Variants in DNAI7 observed in about 807,000 individuals in gnomAD.
DNAI7 encodes cancer susceptibility 1.
DNAI7 carries 78 observed loss-of-function variants against 86.6 expected under a neutral mutation model. The ratio of observed to expected loss-of-function variants is 0.90; its 90% confidence interval spans 0.75 to 1.09. DNAI7 has a LOEUF of 1.09. Among genes scored for constraint, DNAI7 ranks in the 50% least tolerant of loss-of-function variants. The pLI is 0.00. For synonymous variants in DNAI7, 274 were observed against 273.0 expected, an observed-to-expected ratio of 1.00 and a Z score of -0.04; for missense variants, 753 against 810.2, an observed-to-expected ratio of 0.93 and a Z score of 0.86.
At chr12:25,129,165 G>C (rs990664793) in intron 9 of DNAI7, among the ~76,000 whole-genome samples, 3 of 152,020 alleles carry the variant, frequency 2.0e-5, no homozygotes, top group Non-Finnish European at 4.4e-5. Flanking sequence ...TCTGGGTCTC[G>C]GCTAAATAAT....
intron 2 of DNAI7, among the ~76,000 whole-genome samples, chr12:25,186,676 A>G (rs1950066824): frequency 6.6e-6 from 1 of 152,200 alleles, no homozygotes; most frequent in Non-Finnish European, 1.5e-5. Context: ...TTCACATCCC[A>G]GTCCCAAGGG....
chr12:25,136,270 G>A (rs1943542853), intron 9 of DNAI7, among the ~76,000 whole-genome samples: 5 of 152,334 alleles, frequency 3.3e-5, no homozygotes, highest in Admixed American at 2.6e-4. Context: ...CCAACCTGGA[G>A]CGCAGTAGCT....
intron 2 of DNAI7, among the ~76,000 whole-genome samples, chr12:25,186,826 T>C (rs1324644563): frequency 6.6e-6 from 1 of 152,014 alleles, no homozygotes; most frequent in Non-Finnish European, 1.5e-5. Flanking sequence ...AAAAGGTAAA[T>C]ATGGAAGTCA....
At position 25,119,403 on chromosome 12, in the gene DNAI7, C is replaced by A. The variant is rs550591415; in HGVS notation, c.1240-102G>T. 5.2e-5 allele frequency: 33 copies of A among 633,974 alleles called. No homozygotes were observed. The East Asian group carries it at 7.9e-4, about 15-fold the overall frequency. The allele number at this position is 633,974 out of a possible 1,614,324, so 39.3% of individuals were successfully genotyped here. On this transcript the variant is annotated intron_variant, in intron 11 of 15. Transcript: ENST00000395987. ...ATATAGTTATTTTTAATAAGCACTGCAGTTTGATCCTATTTATATATAGAT... is the reference window on the plus strand; with the variant it reads ...ATATAGTTATTTTTAATAAGCACTGAAGTTTGATCCTATTTATATATAGAT...
intron 12 of DNAI7, among the ~76,000 whole-genome samples, chr12:25,116,084 C>CTTTTTTTTTTTT (rs35310438): frequency 7.2e-6 from 1 of 138,108 alleles, no homozygotes; most frequent in Non-Finnish European, 1.5e-5. Flanking sequence ...GTATTTCTTT[C>CTTTTTTTTTTTT]TTTTTTTTTT....
chr12:25,157,370 T>C (rs1315167639), intron 4 of DNAI7, among the ~76,000 whole-genome samples: 1 of 151,990 alleles, frequency 6.6e-6, no homozygotes, highest in Admixed American at 6.6e-5. Context: ...TTTTTTTCAA[T>C]TGCATATCTG....
intron 2 of DNAI7, among the ~76,000 whole-genome samples, chr12:25,169,519 T>C (rs965690809): frequency 6.6e-6 from 1 of 152,126 alleles, no homozygotes; most frequent in African/African-American, 2.4e-5. Flanking sequence ...AGAGTGAAAC[T>C]AACATTGAAT....
At chr12:25,124,060 G>GTGTGTGTGTGTGTGTGTGTGTGTGTGTT (rs1565654899) in intron 9 of DNAI7, among the ~76,000 whole-genome samples, 14 of 151,850 alleles carry the variant, frequency 9.2e-5, no homozygotes, top group Admixed American at 9.2e-4. Flanking sequence ...GTGTGTGTGT[G>GTGTGTGTGTGTGTGTGTGTGTGTGTGTT]TGCTAATACT....
chr12:25,194,775 G>T, intron 1 of DNAI7: 1 of 1,094,210 alleles, frequency 9.1e-7, no homozygotes, highest in Non-Finnish European at 1.3e-6. Context: ...TATCACTACT[G>T]AAAGTTACTA....
intron 12 of DNAI7, among the ~76,000 whole-genome samples, chr12:25,118,353 T>C (rs1179828354): frequency 6.6e-6 from 1 of 151,958 alleles, no homozygotes; most frequent in African/African-American, 2.4e-5. Flanking sequence ...AACCTCTGCC[T>C]CCTGGGATCA....
At chr12:25,107,115 C>T (rs910419983), downstream of DNAI7, 20 of 824,552 alleles carry the variant, frequency 2.4e-5, no homozygotes, top group African/African-American at 3.0e-4. Flanking sequence ...GCAGGGCTGA[C>T]AGTATTAATC....
intron 9 of DNAI7, among the ~76,000 whole-genome samples, chr12:25,141,756 G>C (rs1944217321): frequency 6.6e-6 from 1 of 152,136 alleles, no homozygotes; most frequent in South Asian, 2.1e-4. Context: ...CTTGAACCTG[G>C]GAGGTGGAGG....
At chr12:25,143,055 A>T (rs1264454993) in intron 9 of DNAI7, among the ~76,000 whole-genome samples, 1 of 152,192 alleles carries the variant, frequency 6.6e-6, no homozygotes, top group Non-Finnish European at 1.5e-5. Flanking sequence ...TTAAACAAAA[A>T]TGACAAATTT....
At chr12:25,144,910 G>C (rs1317693328) in intron 8 of DNAI7, among the ~76,000 whole-genome samples, 2 of 152,122 alleles carry the variant, frequency 1.3e-5, no homozygotes, top group African/African-American at 4.8e-5. Context: ...AGTTCCTTCT[G>C]TCTCCTCTAT....
At chr12:25,184,520 A>G (rs190987158) in intron 2 of DNAI7, among the ~76,000 whole-genome samples, 54 of 152,224 alleles carry the variant, frequency 3.5e-4, no homozygotes, top group Middle Eastern at 6.8e-3. Context: ...TGATTAATCA[A>G]CTGATGAACA....
At chr12:25,135,552 G>A (rs1943445159) in intron 9 of DNAI7, among the ~76,000 whole-genome samples, 2 of 152,288 alleles carry the variant, frequency 1.3e-5, no homozygotes, top group Admixed American at 1.3e-4. Context: ...GCAGCGGGGA[G>A]GGCAGGGCAG....
Position 25,114,664 on chromosome 12 carries a change from G to C in DNAI7, c.1603C>G (p.Gln535Glu). ...VTTVFTEIQI[Q>E]IKENLCMLSS... ...CTACAAGAGTAACTCACCTTAATTT[G>C]TATTTGAATCTCAGTAAATACTGTA... The change falls in exon 13 of 16, where the codon CAA (glutamine) becomes GAA (glutamate). Residue 535 changes from glutamine (Q) to glutamate (E), a missense_variant. Gln to Glu is a conservative substitution (Grantham distance 29, BLOSUM62 2). Coordinates refer to ENST00000395987, the MANE Select transcript of DNAI7 (RefSeq NM_018272.5). 6.2e-7 allele frequency: 1 copy of C among 1,602,370 alleles called. No individual in the cohort carries two copies. Among genetic ancestry groups the C allele is most frequent in the Non-Finnish European group, 8.6e-7 (1 of 1,169,528 alleles).
chr12:25,124,060 G>GTA (rs1565654881), intron 9 of DNAI7, among the ~76,000 whole-genome samples: 1 of 151,850 alleles, frequency 6.6e-6, no homozygotes, highest in East Asian at 1.9e-4. Flanking sequence ...GTGTGTGTGT[G>GTA]TGCTAATACT....
intron 2 of DNAI7, among the ~76,000 whole-genome samples, chr12:25,175,158 TCCAGAATTCCCACAA>T (rs1948820124): frequency 6.6e-6 from 1 of 152,088 alleles, no homozygotes; most frequent in Non-Finnish European, 1.5e-5. Flanking sequence ...CTAAGCACTG[TCCAGAATTCCCACAA>T]CTATTTCATT....
Sources: allele counts gnomAD v4.1 joint callset (sites outside exome capture counted in the v4.1 genomes callset), GRCh38; gene constraint gnomAD v4.1.1; transcripts MANE v1.5; gene names NCBI Gene and HGNC (gene_info 2026-07-23, HGNC 2026-07-21).